The following CAMK1D variants were observed in gnomAD, a reference collection of about 807,000 sequenced individuals.
The protein encoded by CAMK1D is calcium/calmodulin-dependent protein kinase type 1D.
In CAMK1D, 9 loss-of-function variants were observed where a neutral mutation model predicts 47.7. That is an observed-to-expected ratio of 0.19 (90% confidence interval 0.11 to 0.33). The LOEUF (loss-of-function observed/expected upper bound fraction) is 0.33. CAMK1D is among the 10% of genes least tolerant of loss of function. CAMK1D has a pLI of 1.00. For synonymous variants in CAMK1D, 184 were observed against 184.9 expected (o/e 0.99, Z 0.04); for missense variants, 291 against 488.7 (o/e 0.60, Z 3.81).
At chr10:12,625,550 C>T (rs912885229) in intron 2 of CAMK1D, among the ~76,000 whole-genome samples, 2 of 150,538 alleles carry the variant, frequency 1.3e-5, no homozygotes, top group Admixed American at 1.3e-4. Context: ...AGGCTGGTCT[C>T]GAACTCCTGG....
chr10:12,484,274 G>A (rs1454887924), intron 1 of CAMK1D, among the ~76,000 whole-genome samples: 1 of 152,230 alleles, frequency 6.6e-6, no homozygotes, highest in Non-Finnish European at 1.5e-5. Context: ...CTGCTCTGCG[G>A]CTGGCAACAC....
chr10:12,577,778 C>T (rs7096144), intron 2 of CAMK1D, among the ~76,000 whole-genome samples: 5,155 of 152,304 alleles, frequency 0.034, 303 homozygotes, highest in African/African-American at 0.12. Flanking sequence ...TGGCTGACAT[C>T]GTTAACTCAG....
At chr10:12,573,331 C>T (rs1004058761) in intron 2 of CAMK1D, among the ~76,000 whole-genome samples, 6 of 151,924 alleles carry the variant, frequency 3.9e-5, no homozygotes, top group East Asian at 1.9e-4. Flanking sequence ...ATGATGGAGA[C>T]GATGATGGAG....
chr10:12,651,417 A>G (rs1275990553), intron 2 of CAMK1D, among the ~76,000 whole-genome samples: 1 of 152,120 alleles, frequency 6.6e-6, no homozygotes, highest in Non-Finnish European at 1.5e-5. Flanking sequence ...TTTGAAATGG[A>G]GTCTCACTCT....
rs569563890 is a variant in CAMK1D, at chr10:12,828,815, G to A, written c.1086G>A (p.Gly362=). ...GTAGTTTCATTTCTTCTTCGTCGGG[G>A]GTCTCAGGAGTTGGAGCCGAGCGGA... The part of the protein sequence containing the change: ...TLCSFISSSS[G]VSGVGAERRP... Residue 362 remains glycine, a synonymous_variant, in exon 11 of 11, where the codon GGG becomes GGA. Transcript: ENST00000619168. 5 of 1,613,730 alleles carry A rather than the reference G, an allele frequency of 3.1e-6. No individual in the cohort carries two copies. The highest frequency in any genetic ancestry group is 3.3e-5 in the Admixed American group (2 of 59,994).
chr10:12,825,468 G>A (rs561285110), intron 9 of CAMK1D, 105 bp from the exon 10 acceptor site: 14 of 1,068,362 alleles, frequency 1.3e-5, no homozygotes, highest in Non-Finnish European at 1.8e-5. Flanking sequence ...AATGATGTAA[G>A]GAGTTTGAAA....
At chr10:12,430,241 G>T (rs1489895284) in intron 1 of CAMK1D, among the ~76,000 whole-genome samples, 3 of 152,110 alleles carry the variant, frequency 2.0e-5, no homozygotes, top group Non-Finnish European at 4.4e-5. Context: ...TGCATGCTCC[G>T]TGAAAAGACG....
chr10:12,474,289 C>T (rs1047371502), intron 1 of CAMK1D, among the ~76,000 whole-genome samples: 1 of 150,772 alleles, frequency 6.6e-6, no homozygotes, highest in Non-Finnish European at 1.5e-5. Context: ...AGCTCCGCCT[C>T]CTGGGTTCAC....
intron 2 of CAMK1D, among the ~76,000 whole-genome samples, chr10:12,629,155 T>C (rs1360289888): frequency 6.6e-6 from 1 of 152,198 alleles, no homozygotes; most frequent in African/African-American, 2.4e-5. Flanking sequence ...TTTTGTTCAG[T>C]GGCTTATTTT....
intron 2 of CAMK1D, among the ~76,000 whole-genome samples, chr10:12,596,886 T>TA (rs1393027529): frequency 1.3e-5 from 2 of 151,764 alleles, no homozygotes; most frequent in East Asian, 1.9e-4. Context: ...GTGGTTTTTT[T>TA]AGGTGTCTTT....
intron 3 of CAMK1D, among the ~76,000 whole-genome samples, chr10:12,706,405 G>A (rs1833726788): frequency 6.6e-6 from 1 of 152,198 alleles, no homozygotes; most frequent in Non-Finnish European, 1.5e-5. Flanking sequence ...GCACAGCAGT[G>A]TAGATGGAGA....
intron 6 of CAMK1D, among the ~76,000 whole-genome samples, chr10:12,804,219 T>A (rs934223550): frequency 6.6e-6 from 1 of 152,252 alleles, no homozygotes; most frequent in Non-Finnish European, 1.5e-5. Flanking sequence ...TTTTGGGATG[T>A]TCAGTACAAC....
chr10:12,667,868 T>C (rs1458108410), intron 3 of CAMK1D, among the ~76,000 whole-genome samples: 1 of 152,250 alleles, frequency 6.6e-6, no homozygotes, highest in Non-Finnish European at 1.5e-5. Flanking sequence ...AGTTAACCTT[T>C]CATGATCTTC....
intron 4 of CAMK1D, among the ~76,000 whole-genome samples, chr10:12,763,633 AAATGTCCCTAG>A (rs1186447533): frequency 6.6e-6 from 1 of 152,168 alleles, no homozygotes; most frequent in African/African-American, 2.4e-5. Flanking sequence ...TAACAGCTAC[AAATGTCCCTAG>A]GCATTGCCAG....
intron 2 of CAMK1D, among the ~76,000 whole-genome samples, chr10:12,612,111 C>A (rs978310779): frequency 6.6e-6 from 1 of 152,174 alleles, no homozygotes; most frequent in African/African-American, 2.4e-5. Context: ...CATTTGCTTT[C>A]TGTCCTCTCT....
At chr10:12,738,705 A>C (rs58128982) in intron 3 of CAMK1D, among the ~76,000 whole-genome samples, 10,858 of 151,954 alleles carry the variant, frequency 0.071, 1,209 homozygotes, top group African/African-American at 0.24. Flanking sequence ...GGTGGCTCGC[A>C]CCTGTAATCC....
intron 3 of CAMK1D, among the ~76,000 whole-genome samples, chr10:12,712,130 G>T (rs1180818122): frequency 6.6e-6 from 1 of 152,218 alleles, no homozygotes; most frequent in Non-Finnish European, 1.5e-5. Context: ...GGACATAGCA[G>T]ATGTGGAAGA....
chr10:12,832,482 A>C lies in CAMK1D; in HGVS notation c.*3595A>C, dbSNP rs895112205. On this transcript the variant is annotated 3_prime_UTR_variant, in exon 11 of 11. Coordinates refer to ENST00000619168, the MANE Select transcript of CAMK1D (RefSeq NM_153498.4). ...CTGTGTTAGAGAAATGGCAACCCCC[A>C]GGACCATGCACGGCTCTGGCAGTGC... The C allele has an allele frequency of 6.6e-6, 1 of 152,254 alleles. No individual in the cohort carries two copies. The highest frequency in any genetic ancestry group is 2.4e-5 in the African/African-American group (1 of 41,452). 9.4% of individuals were successfully genotyped at this position (152,254 alleles called of 1,614,324 possible). A position where few individuals can be genotyped will look rare whatever the true frequency, so the allele number is the denominator to read the frequency against.
chr10:12,828,679 TA>T, intron 10 of CAMK1D, 89 bp from the exon 11 acceptor site: 1 of 770,654 alleles, frequency 1.3e-6, no homozygotes, highest in Non-Finnish European at 2.1e-6. Context: ...CCCCCCACCA[TA>T]AACCCAGCCC....
Sources: gnomAD v4.1 joint callset for allele counts (sites outside exome capture counted in the v4.1 genomes callset) on GRCh38, gnomAD v4.1.1 for gene constraint, MANE v1.5 for transcripts, NCBI Gene and HGNC (gene_info 2026-07-23, HGNC 2026-07-21) for gene names.